EPHA6: variants seen among roughly 807,000 people sequenced by gnomAD.
EPHA6 encodes EPH receptor A6.
In EPHA6, 50 loss-of-function variants were observed where a neutral mutation model predicts 112.0. The ratio of observed to expected loss-of-function variants is 0.45; its 90% confidence interval spans 0.36 to 0.56. The LOEUF is 0.56. Among genes scored for constraint, EPHA6 ranks in the 20% least tolerant of loss-of-function variants. The probability of loss-of-function intolerance (pLI) is 0.00; values close to 1 mark genes in which losing one functional copy is unlikely to be tolerated. For synonymous variants in EPHA6, 529 were observed against 490.7 expected (o/e 1.08, Z -1.03); for missense variants, 1,280 against 1,417.4 (o/e 0.90, Z 1.56).
intron 5 of EPHA6, among the ~76,000 whole-genome samples, chr3:97,252,188 A>G (rs1239800718): frequency 6.6e-6 from 1 of 152,038 alleles, no homozygotes; most frequent in Non-Finnish European, 1.5e-5. Context: ...CCCTTAAAAC[A>G]CGGTGCCTGT....
chr3:97,485,800 C>T (rs1560059320), intron 10 of EPHA6, among the ~76,000 whole-genome samples: 1 of 152,128 alleles, frequency 6.6e-6, no homozygotes, highest in Non-Finnish European at 1.5e-5. Flanking sequence ...CTCCATTGCA[C>T]ACGATGTTTG....
intron 10 of EPHA6, among the ~76,000 whole-genome samples, chr3:97,486,237 AT>A (rs1422161276): frequency 6.6e-6 from 1 of 152,192 alleles, no homozygotes; most frequent in Non-Finnish European, 1.5e-5. Flanking sequence ...CTCTTTTTAA[AT>A]CTTTATTCAT....
intron 14 of EPHA6, among the ~76,000 whole-genome samples, chr3:97,681,799 A>G (rs1209815200): frequency 6.6e-6 from 1 of 152,082 alleles, no homozygotes; most frequent in Non-Finnish European, 1.5e-5. Flanking sequence ...CTGAAGCATG[A>G]TATGCTGAAG....
At position 96,814,792 on chromosome 3, in the gene EPHA6, G is replaced by A. The variant is rs1351182206; in HGVS notation, c.169G>A (p.Glu57Lys). Reference protein sequence around the residue: ...GTPPAGRVEEEEEEEEEDVDK... With the variant: ...GTPPAGRVEEKEEEEEEDVDK... ...ACCCCCTGCGGGCCGGGTGGAGGAG[G>A]AAGAGGAGGAGGAGGAAGAAGACGT... Residue 57 changes from glutamate (E) to lysine (K), a missense_variant, in exon 1 of 18, where the codon GAA becomes AAA. Coordinates refer to ENST00000389672, the MANE Select transcript of EPHA6 (RefSeq NM_001080448.3). The A allele has an allele frequency of 6.9e-6, 11 of 1,603,226 alleles. No individual in the cohort carries two copies. The highest frequency in any genetic ancestry group is 9.4e-6 in the Non-Finnish European group (11 of 1,174,234).
intron 3 of EPHA6, among the ~76,000 whole-genome samples, chr3:97,151,884 G>A (rs991403468): frequency 9.2e-5 from 14 of 151,504 alleles, no homozygotes; most frequent in African/African-American, 2.7e-4. Context: ...AGTATGTATC[G>A]TAGTAATTAT....
intron 3 of EPHA6, among the ~76,000 whole-genome samples, chr3:97,173,762 T>C (rs966565247): frequency 4.0e-5 from 6 of 151,774 alleles, no homozygotes; most frequent in Non-Finnish European, 1.5e-5. Context: ...AGTGCAAACA[T>C]GTAAGAGGTG....
chr3:97,394,074 G>T (rs2086568060), intron 5 of EPHA6, among the ~76,000 whole-genome samples: 2 of 151,406 alleles, frequency 1.3e-5, no homozygotes, highest in Non-Finnish European at 3.0e-5. Flanking sequence ...CATTTCCTTT[G>T]GCTATTTACC....
intron 1 of EPHA6, among the ~76,000 whole-genome samples, chr3:96,861,043 A>G (rs1431831432): frequency 6.6e-6 from 1 of 152,004 alleles, no homozygotes; most frequent in Non-Finnish European, 1.5e-5. Context: ...CTTGTGATAG[A>G]TCACATCCAC....
intron 3 of EPHA6, among the ~76,000 whole-genome samples, chr3:97,136,839 TA>T (rs1056409475): frequency 2.6e-5 from 4 of 152,198 alleles, no homozygotes; most frequent in African/African-American, 7.2e-5. Context: ...TACCTTCATA[TA>T]AAAATATAAA....
intron 10 of EPHA6, among the ~76,000 whole-genome samples, chr3:97,513,496 A>C (rs2092399555): frequency 6.6e-6 from 1 of 152,236 alleles, no homozygotes; most frequent in Non-Finnish European, 1.5e-5. Flanking sequence ...ATTCAGCCAT[A>C]GAAAGAAGGA....
At chr3:97,522,331 T>G (rs950873969) in intron 10 of EPHA6, among the ~76,000 whole-genome samples, 6 of 152,344 alleles carry the variant, frequency 3.9e-5, no homozygotes, top group African/African-American at 1.4e-4. Flanking sequence ...CTTTATTCAG[T>G]TAATACAGTG....
chr3:97,086,233 C>A (rs527572550), intron 3 of EPHA6, among the ~76,000 whole-genome samples: 1 of 152,062 alleles, frequency 6.6e-6, no homozygotes, highest in Admixed American at 6.6e-5. Flanking sequence ...AATGCAATAT[C>A]ATTCATGTAA....
At chr3:97,039,261 G>C (rs1339920676) in intron 3 of EPHA6, among the ~76,000 whole-genome samples, 1 of 151,994 alleles carries the variant, frequency 6.6e-6, no homozygotes, top group Non-Finnish European at 1.5e-5. Context: ...ATAAAGGAGA[G>C]AAAATGATAG....
intron 14 of EPHA6, among the ~76,000 whole-genome samples, chr3:97,687,058 A>C (rs1241309767): frequency 2.0e-5 from 3 of 152,202 alleles, no homozygotes; most frequent in Non-Finnish European, 4.4e-5. Flanking sequence ...CTTATGGTGC[A>C]TGAAGAGGAC....
intron 3 of EPHA6, among the ~76,000 whole-genome samples, chr3:97,095,292 G>C (rs1457504110): frequency 1.3e-5 from 2 of 151,800 alleles, no homozygotes; most frequent in African/African-American, 2.4e-5. Context: ...TCACACACTG[G>C]GGCCTGTCAT....
At chr3:97,349,633 T>A (rs1330402557) in intron 5 of EPHA6, among the ~76,000 whole-genome samples, 2 of 152,102 alleles carry the variant, frequency 1.3e-5, no homozygotes, top group Admixed American at 1.3e-4. Context: ...TATAATTGCT[T>A]GCCTACCACA....
At chr3:96,984,440 G>A (rs1330930017) in intron 2 of EPHA6, among the ~76,000 whole-genome samples, 9 of 152,260 alleles carry the variant, frequency 5.9e-5, no homozygotes, top group South Asian at 4.1e-4. Flanking sequence ...GTACCTGGCC[G>A]TGTGAGGTGT....
At chr3:97,509,843 C>T (rs1377183222) in intron 10 of EPHA6, among the ~76,000 whole-genome samples, 1 of 152,162 alleles carries the variant, frequency 6.6e-6, no homozygotes, top group East Asian at 1.9e-4. Context: ...TAGGTTTGGT[C>T]TTTTCACATA....
chr3:97,394,997 G>A (rs1053932977), intron 5 of EPHA6, among the ~76,000 whole-genome samples: 17 of 151,222 alleles, frequency 1.1e-4, no homozygotes, highest in African/African-American at 2.9e-4. Context: ...AATAAAAACC[G>A]CAAAGCTTCT....
Sources: gnomAD v4.1 joint callset for allele counts (sites outside exome capture counted in the v4.1 genomes callset) on GRCh38, gnomAD v4.1.1 for gene constraint, MANE v1.5 for transcripts, NCBI Gene and HGNC (gene_info 2026-07-23, HGNC 2026-07-21) for gene names.